MCC: variants seen among roughly 807,000 people sequenced by gnomAD.
MCC encodes the protein MCC regulator of Wnt signaling pathway.
MCC carries 90 observed loss-of-function variants against 116.2 expected under a neutral mutation model. The observed-to-expected ratio is 0.77, with a 90% CI of 0.65 to 0.92. The LOEUF (loss-of-function observed/expected upper bound fraction) is 0.92. MCC is among the 40% of genes least tolerant of loss of function. MCC has a pLI of 0.00. For missense variants in MCC, 1,516 were observed against 1,312.2 expected (o/e 1.16, Z -2.40); for synonymous variants, 578 against 510.5 (o/e 1.13, Z -1.78).
At chr5:113,246,728 CT>C (rs1040396516) in intron 3 of MCC, among the ~76,000 whole-genome samples, 1 of 152,180 alleles carries the variant, frequency 6.6e-6, no homozygotes, top group African/African-American at 2.4e-5. Context: ...ATCTTGTGAA[CT>C]TTTTATTGTC....
At chr5:113,151,598 C>T (rs554897764) in intron 3 of MCC, among the ~76,000 whole-genome samples, 176 bp from the exon 4 acceptor site, 114 of 152,262 alleles carry the variant, frequency 7.5e-4, no homozygotes, top group African/African-American at 2.6e-3. Context: ...AGGTGTGCTA[C>T]CAGCAAACTG....
intron 2 of MCC, among the ~76,000 whole-genome samples, chr5:113,377,096 G>A (rs993456488): frequency 6.6e-6 from 1 of 152,182 alleles, no homozygotes; most frequent in Non-Finnish European, 1.5e-5. Flanking sequence ...CAGAAGGAAG[G>A]CTGATGACAT....
At chr5:113,394,724 A>C (rs1381272116) in intron 1 of MCC, among the ~76,000 whole-genome samples, 1 of 152,196 alleles carries the variant, frequency 6.6e-6, no homozygotes, top group Non-Finnish European at 1.5e-5. Context: ...GTCTAATTTG[A>C]TAGCTCTTCA....
At chr5:113,456,741 T>C (rs1167961701) in intron 1 of MCC, among the ~76,000 whole-genome samples, 1 of 148,170 alleles carries the variant, frequency 6.7e-6, no homozygotes, top group Non-Finnish European at 1.5e-5. Context: ...AAAATGCTGG[T>C]ATTACAGGCG....
At chr5:113,189,746 G>T (rs909470324) in intron 3 of MCC, among the ~76,000 whole-genome samples, 1 of 152,202 alleles carries the variant, frequency 6.6e-6, no homozygotes, top group Non-Finnish European at 1.5e-5. Flanking sequence ...TTTGAAAAAG[G>T]AAGTAGGTTA....
intron 11 of MCC, among the ~76,000 whole-genome samples, chr5:113,077,539 C>A (rs1754542116): frequency 6.6e-6 from 1 of 152,164 alleles, no homozygotes; most frequent in Non-Finnish European, 1.5e-5. Flanking sequence ...AACTGAACAA[C>A]CTGCTCCTGA....
intron 17 of MCC, among the ~76,000 whole-genome samples, chr5:113,030,702 A>G (rs1331669706): frequency 6.6e-6 from 1 of 152,186 alleles, no homozygotes; most frequent in Non-Finnish European, 1.5e-5. Context: ...TCAGATGGCC[A>G]TGCACTGGCA....
rs1750336229 is a variant in MCC, at chr5:113,023,824, T to C, written c.*3478A>G. On this transcript the variant is annotated 3_prime_UTR_variant, in exon 19 of 19. Transcript: ENST00000408903. ...AGCTATTAAGGTTGACTGATAGACTTAAAAAGTGATTGCTTTATAATTCTC... is the reference window on the plus strand; with the variant it reads ...AGCTATTAAGGTTGACTGATAGACTCAAAAAGTGATTGCTTTATAATTCTC... 1 of 152,208 alleles carries C rather than the reference T, an allele frequency of 6.6e-6. No homozygotes were observed. The highest frequency in any genetic ancestry group is 2.4e-5 in the African/African-American group (1 of 41,442). 9.4% of individuals were successfully genotyped at this position (152,208 alleles called of 1,614,324 possible). A position where few individuals can be genotyped will look rare whatever the true frequency, so the allele number is the denominator to read the frequency against.
intron 5 of MCC, among the ~76,000 whole-genome samples, chr5:113,128,330 G>A (rs1435155004): frequency 1.3e-5 from 2 of 152,196 alleles, no homozygotes; most frequent in African/African-American, 2.4e-5. Context: ...ACTTGACCTG[G>A]TGTTTTTTGG....
intron 1 of MCC, among the ~76,000 whole-genome samples, chr5:113,468,610 C>T (rs1466403808): frequency 1.3e-5 from 2 of 152,106 alleles, no homozygotes; most frequent in Non-Finnish European, 2.9e-5. Flanking sequence ...ATTTTTGCAT[C>T]GATGTTCATC....
chr5:113,244,593 T>C (rs17323670), intron 3 of MCC, among the ~76,000 whole-genome samples: 3,754 of 152,336 alleles, frequency 0.025, 58 homozygotes, highest in Non-Finnish European at 0.036. Flanking sequence ...GATTGAAATT[T>C]ACTTAGCCTG....
intron 17 of MCC, among the ~76,000 whole-genome samples, chr5:113,030,546 G>T (rs1750881537): frequency 6.6e-6 from 1 of 152,204 alleles, no homozygotes; most frequent in African/African-American, 2.4e-5. Flanking sequence ...CAGATATGGT[G>T]GGTCATGCCT....
chr5:113,329,384 AC>A (rs1239608319), intron 3 of MCC, among the ~76,000 whole-genome samples: 1 of 33,952 alleles, frequency 2.9e-5, no homozygotes, highest in Non-Finnish European at 5.5e-5. Flanking sequence ...CTATATATAT[AC>A]ACACACACAC....
chr5:113,124,932 C>A, intron 5 of MCC, among the ~76,000 whole-genome samples: 1 of 152,356 alleles, frequency 6.6e-6, no homozygotes, highest in East Asian at 1.9e-4. Flanking sequence ...CAAAGAAGAC[C>A]TCCTGGGTGG....
intron 3 of MCC, among the ~76,000 whole-genome samples, chr5:113,339,265 G>C (rs958651853): frequency 6.6e-6 from 1 of 151,524 alleles, no homozygotes; most frequent in East Asian, 1.9e-4. Flanking sequence ...AATTTGCAAA[G>C]ACAGGAGAGA....
chr5:113,149,128 C>G (rs1410910846), intron 4 of MCC, among the ~76,000 whole-genome samples: 7 of 152,028 alleles, frequency 4.6e-5, no homozygotes, highest in African/African-American at 1.4e-4. Context: ...AAAACAAATT[C>G]TCATCAATAA....
At chr5:113,183,736 C>T (rs1176786813) in intron 3 of MCC, among the ~76,000 whole-genome samples, 2 of 152,088 alleles carry the variant, frequency 1.3e-5, no homozygotes, top group African/African-American at 4.8e-5. Flanking sequence ...TGGGACCAGT[C>T]CAGAGGGATG....
rs947752906 is a variant in MCC, at chr5:113,114,527, C to T, written c.1027+8157G>A. ...CATGGCCCAAAGTGAGAACATGCAACCTTTTTTCCCCACTGAAATGCTGCC... is the reference window on the plus strand; with the variant it reads ...CATGGCCCAAAGTGAGAACATGCAATCTTTTTTCCCCACTGAAATGCTGCC... On this transcript the variant is annotated intron_variant, in intron 6 of 18. Transcript: ENST00000408903. Among the ~76,000 whole-genome samples, 6 of 115,876 alleles carry T rather than the reference C, an allele frequency of 5.2e-5. No individual in the cohort carries two copies. The Admixed American group carries it at 5.6e-4, about 11-fold the overall frequency. The allele number at this position is 115,876 out of a possible 152,430, so 76.0% of individuals were successfully genotyped here. A position where few individuals can be genotyped will look rare whatever the true frequency, so the allele number is the denominator to read the frequency against.
chr5:113,084,281 C>T (rs890150906), intron 9 of MCC, 91 bp from the exon 10 acceptor site: 14 of 967,508 alleles, frequency 1.4e-5, no homozygotes, highest in Non-Finnish European at 2.3e-5. Context: ...TACTTTTTAG[C>T]CATGTCAACT....
Sources: allele counts gnomAD v4.1 joint callset (sites outside exome capture counted in the v4.1 genomes callset), GRCh38; gene constraint gnomAD v4.1.1; transcripts MANE v1.5; gene names NCBI Gene and HGNC (gene_info 2026-07-23, HGNC 2026-07-21).